RITA1: variants seen among roughly 807,000 people sequenced by gnomAD.
RITA1 encodes the protein RBPJ-interacting and tubulin-associated protein 1.
RITA1 carries 15 observed loss-of-function variants against 8.7 expected under a neutral mutation model. The ratio of observed to expected loss-of-function variants is 1.72; its 90% confidence interval spans 1.15 to 2.65. The LOEUF (loss-of-function observed/expected upper bound fraction) is 2.65. Among genes scored for constraint, RITA1 ranks in the 30% most tolerant of loss-of-function variants. The pLI, the probability that RITA1 is intolerant of heterozygous loss-of-function variation, is 0.00. For synonymous variants in RITA1, 145 were observed against 156.2 expected, an observed-to-expected ratio of 0.93 and a Z score of 0.53; for missense variants, 330 against 363.8, an observed-to-expected ratio of 0.91 and a Z score of 0.76.
In RITA1 at chr12:113,191,752, A is replaced by AT. The variant is rs1566106580; in HGVS notation, c.748dup (p.Ser250PhefsTer42). 1.2e-6 allele frequency: 2 copies of AT among 1,613,828 alleles called. No individual in the cohort carries two copies. The highest frequency in any genetic ancestry group is 2.2e-5 in the South Asian group (2 of 91,080). The stretch of plus-strand genomic sequence containing the variant: ...GACTTCCAGGGCTCGCTCAGTTAGC[A>AT]TTTCAGTGCCATCTACCCCACGACG... On this transcript the variant is annotated frameshift_variant, in exon 4 of 4. Coordinates refer to ENST00000548278, the MANE Select transcript of RITA1 (RefSeq NM_032848.3). LOFTEE classifies it high-confidence loss of function. The surrounding 1 kb of genome is among the most constrained non-coding windows in gnomAD (Gnocchi z 4.0).
intron 3 of RITA1, among the ~76,000 whole-genome samples, chr12:113,188,722 A>T (rs1952564757): frequency 7.0e-6 from 1 of 142,316 alleles, no homozygotes; most frequent in African/African-American, 2.6e-5. Flanking sequence ...TCTTCCTCTC[A>T]TAAGGACACC....
intron 3 of RITA1, among the ~76,000 whole-genome samples, chr12:113,188,081 C>T (rs1053776660): frequency 3.3e-5 from 5 of 152,020 alleles, no homozygotes; most frequent in African/African-American, 9.7e-5. Context: ...TGGAGTCTCG[C>T]TCTGTTGCCC....
chr12:113,189,455 C>T (rs1410812064), intron 3 of RITA1, among the ~76,000 whole-genome samples: 1 of 152,100 alleles, frequency 6.6e-6, no homozygotes, highest in Non-Finnish European at 1.5e-5. Flanking sequence ...AGGGAGGTGA[C>T]AACTCCTTGC....
chr12:113,186,991 C>G lies in RITA1; in HGVS notation c.245C>G (p.Thr82Ser). 6.2e-7 allele frequency: 1 copy of G among 1,612,058 alleles called. No individual in the cohort carries two copies. The highest frequency in any genetic ancestry group is 8.5e-7 in the Non-Finnish European group (1 of 1,179,076). ...KALGAKGSCE[T>S]TPSRGSTPTL... is the part of the protein sequence containing the mutation. ...TTGGGGGCAAAGGGGAGCTGTGAGA[C>G]CACCCCCTCAAGGGGCAGCACCCCC... is the stretch of plus-strand genomic sequence containing the variant. Residue 82 changes from threonine to serine, a missense_variant, in exon 3 of 4, where the codon ACC becomes AGC. Thr to Ser is a moderately conservative substitution (Grantham distance 58, BLOSUM62 1). Transcript: ENST00000548278.
rs181009328 is a variant in RITA1, at chr12:113,186,963, G to C, written c.217G>C (p.Ala73Pro). 2.5e-6 allele frequency: 4 copies of C among 1,613,794 alleles called. No individual in the cohort carries two copies. The East Asian group carries it at 6.7e-5, about 27-fold the overall frequency. The change falls in exon 3 of 4, where the codon GCC (alanine) becomes CCC (proline). Residue 73 changes from alanine to proline, a missense_variant. By Grantham distance (27) the Ala-to-Pro change is conservative. Transcript: ENST00000548278. ...AGGCGTGGGCAAGGAGGCATCGAAG[G>C]CCTTGGGGGCAAAGGGGAGCTGTGA... ...TRGVGKEASK[A>P]LGAKGSCETT... is the part of the protein sequence containing the mutation.
At chr12:113,189,969 C>T (rs1017343209) in intron 3 of RITA1, among the ~76,000 whole-genome samples, 21 of 149,506 alleles carry the variant, frequency 1.4e-4, no homozygotes, top group African/African-American at 4.4e-4. Context: ...CTCAGGAGTT[C>T]GCAGCTGCAG....
chr12:113,186,439 C>T, intron 2 of RITA1, 123 bp downstream of exon 2: 4 of 1,372,656 alleles, frequency 2.9e-6, no homozygotes, highest in Non-Finnish European at 3.8e-6. Flanking sequence ...ACACAGGTGT[C>T]ATCTCTCCTT....
At chr12:113,188,739 A>G (rs1225225010) in intron 3 of RITA1, among the ~76,000 whole-genome samples, 7 of 92,722 alleles carry the variant, frequency 7.5e-5, no homozygotes, top group Non-Finnish European at 2.1e-5. Flanking sequence ...CACCAGTTCT[A>G]TTGGATTAGG....
intron 2 of RITA1, 52 bp from the exon 3 acceptor site, chr12:113,186,631 C>T: frequency 4.7e-6 from 7 of 1,486,654 alleles, no homozygotes; most frequent in Non-Finnish European, 6.3e-6. Context: ...ACCGGTCTTC[C>T]TCCATTAGCA....
intron 3 of RITA1, among the ~76,000 whole-genome samples, chr12:113,187,867 G>T (rs1231135484): frequency 6.6e-6 from 1 of 151,982 alleles, no homozygotes; most frequent in Non-Finnish European, 1.5e-5. Flanking sequence ...AATTAGATTA[G>T]AATTAGATTA....
intron 3 of RITA1, chr12:113,187,369 T>G (rs563455392): frequency 3.3e-6 from 1 of 304,546 alleles, no homozygotes; most frequent in South Asian, 1.1e-4. Context: ...AGGAGTCAGC[T>G]GAGGCATAAG....
chr12:113,187,173 CAT>C (rs1457787597), intron 3 of RITA1, 125 bp downstream of exon 3: 4 of 1,041,538 alleles, frequency 3.8e-6, no homozygotes, highest in Non-Finnish European at 5.4e-6. Context: ...CCAGTTTACT[CAT>C]GTGGAAAATA....
Position 113,191,800 on chromosome 12 carries a change from A to G in RITA1, c.793A>G (p.Lys265Glu). The G allele has an allele frequency of 3.1e-6, 5 of 1,604,708 alleles. No homozygotes were observed. The highest frequency in any genetic ancestry group is 4.3e-6 in the Non-Finnish European group (5 of 1,174,492). The stretch of plus-strand genomic sequence containing the variant: ...ACGAGGTGGGGCCACCCAGAAACCA[A>G]AGCCCCCTTGGAAATGATACTCTTT... ...PRRGGATQKPKPPWK is the reference protein window; with the variant it reads ...PRRGGATQKPEPPWK The change falls in exon 4 of 4, where the codon AAG (lysine) becomes GAG (glutamate). Residue 265 changes from lysine (K) to glutamate (E), a missense_variant. Lys to Glu is a moderately conservative substitution (Grantham distance 56). Transcript: ENST00000548278. The surrounding 1 kb of genome is among the most constrained non-coding windows in gnomAD (Gnocchi z 4.0).
In RITA1 at chr12:113,191,943, T is replaced by C. The variant is rs1952614167; in HGVS notation, c.*126T>C. On this transcript the variant is annotated 3_prime_UTR_variant, in exon 4 of 4. Transcript: ENST00000548278. The surrounding 1 kb of genome is among the most constrained non-coding windows in gnomAD (Gnocchi z 4.0). The stretch of plus-strand genomic sequence containing the variant: ...AAGCCCCTGTGGGGGCAGACAGACA[T>C]AGCAGGGGTGGGCAGTGCCTCCCTT... The C allele has an allele frequency of 1.6e-6, 2 of 1,232,960 alleles. No homozygotes were observed. The highest frequency in any genetic ancestry group is 1.1e-6 in the Non-Finnish European group (1 of 894,948). The allele number at this position is 1,232,960 out of a possible 1,614,324, so 76.4% of individuals were successfully genotyped here.
chr12:113,186,710 C>T lies in RITA1; in HGVS notation c.-37C>T. On this transcript the variant is annotated 5_prime_UTR_variant, in exon 3 of 4. Coordinates refer to ENST00000548278, the MANE Select transcript of RITA1 (RefSeq NM_032848.3). ...AGCCTCGGAAGCAGGGCCTGGCCGG[C>T]AGAGCACACCTGCTGTCACCAGGGA... 6.2e-7 allele frequency: 1 copy of T among 1,603,140 alleles called. No individual in the cohort carries two copies.
chr12:113,188,623 A>G (rs1485541208), intron 3 of RITA1, among the ~76,000 whole-genome samples: 1 of 151,742 alleles, frequency 6.6e-6, no homozygotes, highest in East Asian at 1.9e-4. Flanking sequence ...ACGTTCTCAC[A>G]GTGTCATCAT....
chr12:113,187,209 G>T, intron 3 of RITA1, 161 bp downstream of exon 3: 1 of 730,684 alleles, frequency 1.4e-6, no homozygotes, highest in Non-Finnish European at 2.2e-6. Context: ...CTACCTAGGG[G>T]GATTGTTGAT....
At chr12:113,188,344 G>A (rs575500546) in intron 3 of RITA1, among the ~76,000 whole-genome samples, 3 of 151,416 alleles carry the variant, frequency 2.0e-5, no homozygotes, top group African/African-American at 7.3e-5. Context: ...CACCCTCCCT[G>A]GTAGCTGGGA....
At position 113,190,029 on chromosome 12, in the gene RITA1, T is replaced by TA. The variant is rs56327935; in HGVS notation, c.303-1263dup. Among the ~76,000 whole-genome samples the TA allele has an allele frequency of 6.5e-3, 463 of 71,202 alleles. 4 individuals are homozygous for TA. The highest frequency in any genetic ancestry group is 0.017 in the African/African-American group (295 of 17,220). The allele number at this position is 71,202 out of a possible 152,430, so 46.7% of individuals were successfully genotyped here. ...GGTGACAGAGTGAGACCCTGTCTCT[T>TA]AAAAAAAAAAAAAAAAAAGGCCGGG... On this transcript the variant is annotated intron_variant, in intron 3 of 3. Transcript: ENST00000548278.
Sources: gnomAD v4.1 joint callset for allele counts (sites outside exome capture counted in the v4.1 genomes callset) on GRCh38, gnomAD v4.1.1 for gene constraint, Gnocchi (gnomAD v3.1) non-coding constraint, MANE v1.5 for transcripts, NCBI Gene and HGNC (gene_info 2026-07-23, HGNC 2026-07-21) for gene names.